The following ELFN2 variants were observed in gnomAD, a reference collection of about 807,000 sequenced individuals.
ELFN2 encodes protein phosphatase 1 regulatory subunit 29.
Under a neutral mutation model 45.5 loss-of-function variants are expected in ELFN2, and 17 were observed. That is an observed-to-expected ratio of 0.37 (90% CI 0.26 to 0.56). The LOEUF (loss-of-function observed/expected upper bound fraction) is 0.56, where lower values mean the gene tolerates loss of function less well. Among genes scored for constraint, ELFN2 ranks in the 20% least tolerant of loss-of-function variants. The pLI is 0.77. For missense variants in ELFN2, 922 were observed against 1,183.2 expected, an observed-to-expected ratio of 0.78 and a Z score of 3.24; for synonymous variants, 550 against 551.5, an observed-to-expected ratio of 1.00 and a Z score of 0.04.
Position 37,374,362 on chromosome 22 carries a change from G to C in ELFN2, c.1173C>G (p.Thr391=). 1 of 1,614,038 alleles carries C rather than the reference G, an allele frequency of 6.2e-7. No homozygotes were observed. Among genetic ancestry groups the C allele is most frequent in the South Asian group, 1.1e-5 (1 of 91,086 alleles). ...TCATGATGTAGTGGGTGGTGGTGGA[G>C]GTGCTGGGCGCCAAGTCTCCGGGGA... The part of the protein sequence containing the change: ...DPVPGDLAPS[T]STTTHYIMTI... The change falls in exon 3 of 3, where the codon ACC becomes ACG. Residue 391 remains threonine, a synonymous_variant. Transcript: ENST00000402918.
At chr22:37,423,673 A>G (rs1421934101) in intron 1 of ELFN2, among the ~76,000 whole-genome samples, 1 of 152,112 alleles carries the variant, frequency 6.6e-6, no homozygotes, top group African/African-American at 2.4e-5. Flanking sequence ...ATTAGCTGAT[A>G]TCATTATTAT....
At chr22:37,367,514 G>A (rs1931231376), downstream of ELFN2, among the ~76,000 whole-genome samples, 1 of 152,208 alleles carries the variant, frequency 6.6e-6, no homozygotes, top group Admixed American at 6.5e-5. Flanking sequence ...GCAGCAAGAG[G>A]CTGACCTCAG....
At chr22:37,387,496 G>A (rs1931979919) in intron 2 of ELFN2, among the ~76,000 whole-genome samples, 1 of 151,782 alleles carries the variant, frequency 6.6e-6, no homozygotes, top group African/African-American at 2.4e-5. Flanking sequence ...TCCTCCTCAG[G>A]AGGGTAAGGG....
chr22:37,346,149 T>C (rs1445862157), intron 1 of ELFN2, among the ~76,000 whole-genome samples: 1 of 152,244 alleles, frequency 6.6e-6, no homozygotes, highest in Non-Finnish European at 1.5e-5. Context: ...CTTGGCCCAG[T>C]GCCTGGCTCA....
intron 1 of ELFN2, among the ~76,000 whole-genome samples, chr22:37,348,249 T>C (rs1930741347): frequency 6.6e-6 from 1 of 152,176 alleles, no homozygotes; most frequent in Admixed American, 6.5e-5. Flanking sequence ...GCCCATCTTC[T>C]TGGGGGAGGA....
At chr22:37,361,299 A>G (rs1288321757) in intron 1 of ELFN2, among the ~76,000 whole-genome samples, 1 of 152,022 alleles carries the variant, frequency 6.6e-6, no homozygotes, top group Non-Finnish European at 1.5e-5. Flanking sequence ...AAAGGAAGAC[A>G]CTCCAAATGT....
Position 37,372,727 on chromosome 22 carries a change from C to T in ELFN2, c.*345G>A, listed in dbSNP as rs1015785755. Reference sequence around the variant, plus strand: ...TGTTTCTAGCCCCAGACCCCCCAGACCCCACACCCTCTCTTGGCTTCCTTC... The same window carrying T: ...TGTTTCTAGCCCCAGACCCCCCAGATCCCACACCCTCTCTTGGCTTCCTTC... On this transcript the variant is annotated 3_prime_UTR_variant, in exon 3 of 3. Transcript: ENST00000402918. The surrounding 1 kb of genome is among the most constrained non-coding windows in gnomAD (Gnocchi z 4.4). The T allele has an allele frequency of 1.5e-5, 3 of 205,192 alleles. No individual in the cohort carries two copies. Among genetic ancestry groups the T allele is most frequent in the Non-Finnish European group, 2.9e-5 (3 of 102,738 alleles). 12.7% of individuals were successfully genotyped at this position (205,192 alleles called of 1,614,324 possible). A position where few individuals can be genotyped will look rare whatever the true frequency, so the allele number is the denominator to read the frequency against.
At chr22:37,359,204 C>T (rs758080392) in intron 1 of ELFN2, among the ~76,000 whole-genome samples, 33 of 152,146 alleles carry the variant, frequency 2.2e-4, no homozygotes, top group Non-Finnish European at 3.7e-4. Context: ...ATTTGTAAAA[C>T]GCAATCATCT....
chr22:37,380,009 A>C (rs1035724089), intron 2 of ELFN2, among the ~76,000 whole-genome samples: 1 of 152,030 alleles, frequency 6.6e-6, no homozygotes, highest in African/African-American at 2.4e-5. Context: ...TTTTATAGTT[A>C]TTTCTTCACA....
Position 37,373,719 on chromosome 22 carries a change from A to G in ELFN2, c.1816T>C (p.Tyr606His). Residue 606 changes from tyrosine (Y) to histidine (H), a missense_variant, in exon 3 of 3, where the codon TAC becomes CAC. Tyr to His is a moderately conservative substitution (Grantham distance 83). Transcript: ENST00000402918. ...LERPSFLSPPYKESSHHPLQR... is the reference protein window; with the variant it reads ...LERPSFLSPPHKESSHHPLQR... Reference sequence around the variant, plus strand: ...AGTGGGTGGTGGGAGCTCTCCTTGTAGGGAGGCGAAAGGAAGCTGGGCCGC... The same window carrying G: ...AGTGGGTGGTGGGAGCTCTCCTTGTGGGGAGGCGAAAGGAAGCTGGGCCGC... 3.2e-6 allele frequency: 5 copies of G among 1,554,064 alleles called. No homozygotes were observed. Among genetic ancestry groups the G allele is most frequent in the Non-Finnish European group, 4.3e-6 (5 of 1,157,276 alleles).
At chr22:37,341,636 A>G (rs1044192216) in intron 2 of ELFN2, among the ~76,000 whole-genome samples, 4 of 152,166 alleles carry the variant, frequency 2.6e-5, no homozygotes, top group African/African-American at 9.7e-5. Flanking sequence ...TCTCAGAGAA[A>G]TCTCTTGGGT....
chr22:37,349,315 G>A (rs1268380340), intron 1 of ELFN2, among the ~76,000 whole-genome samples: 1 of 151,264 alleles, frequency 6.6e-6, no homozygotes, highest in Non-Finnish European at 1.5e-5. Flanking sequence ...CCCCACAGGG[G>A]CAGGTAGAAG....
chr22:37,392,526 G>T (rs946698126), intron 2 of ELFN2, among the ~76,000 whole-genome samples: 1 of 152,082 alleles, frequency 6.6e-6, no homozygotes, highest in Non-Finnish European at 1.5e-5. Flanking sequence ...CACCATGTTA[G>T]CCAGGATGGT....
At chr22:37,410,206 C>A (rs1298640874) in intron 2 of ELFN2, among the ~76,000 whole-genome samples, 3 of 152,032 alleles carry the variant, frequency 2.0e-5, no homozygotes, top group African/African-American at 7.3e-5. Flanking sequence ...CAGACAGAGA[C>A]AAAGAGACAG....
chr22:37,355,094 G>A (rs1930917004), intron 1 of ELFN2, among the ~76,000 whole-genome samples: 4 of 152,194 alleles, frequency 2.6e-5, no homozygotes, highest in Admixed American at 6.5e-5. Flanking sequence ...CTTTCTTTTC[G>A]GCGCTCTGCT....
chr22:37,393,020 C>T (rs1319861210), intron 2 of ELFN2, among the ~76,000 whole-genome samples: 1 of 152,206 alleles, frequency 6.6e-6, no homozygotes, highest in Non-Finnish European at 1.5e-5. Flanking sequence ...CATTATTAAA[C>T]TCCCCTGATA....
intron 1 of ELFN2, among the ~76,000 whole-genome samples, chr22:37,355,614 C>T (rs536867163): frequency 7.5e-4 from 114 of 152,314 alleles, no homozygotes; most frequent in African/African-American, 2.7e-3. Flanking sequence ...GCTCCCTTCC[C>T]AAGTGTTGCC....
chr22:37,409,248 G>A (rs1410503744), intron 2 of ELFN2, among the ~76,000 whole-genome samples: 4 of 152,146 alleles, frequency 2.6e-5, no homozygotes, highest in Admixed American at 2.0e-4. Flanking sequence ...CGGAAGGCCC[G>A]GGCACTCCTG....
chr22:37,364,837 G>C (rs1931166728), downstream of ELFN2, among the ~76,000 whole-genome samples: 1 of 152,216 alleles, frequency 6.6e-6, no homozygotes, highest in African/African-American at 2.4e-5. Flanking sequence ...TGGGCCCCAG[G>C]CTGCCCCCGA....
Sources: allele counts gnomAD v4.1 joint callset (sites outside exome capture counted in the v4.1 genomes callset), GRCh38; gene constraint gnomAD v4.1.1; non-coding constraint Gnocchi (gnomAD v3.1); transcripts MANE v1.5; gene names NCBI Gene and HGNC (gene_info 2026-07-23, HGNC 2026-07-21).